MACF1: variants seen among roughly 807,000 people sequenced by gnomAD.
MACF1 encodes the protein microtubule-actin cross-linking factor 1.
In MACF1, 193 loss-of-function variants were observed where a neutral mutation model predicts 854.8. That is an observed-to-expected ratio of 0.23 (90% confidence interval 0.20 to 0.25). The LOEUF is 0.25. Among genes scored for constraint, MACF1 ranks in the 10% least tolerant of loss-of-function variants. MACF1 has a pLI of 1.00. For missense variants in MACF1, 7,722 were observed against 8,929.1 expected (o/e 0.86, Z 5.45); for synonymous variants, 3,185 against 3,226.7 (o/e 0.99, Z 0.44).
Position 39,093,903 on chromosome 1 carries a change from T to G in MACF1, c.220+9465T>G, listed in dbSNP as rs560990512. On this transcript the variant is annotated intron_variant, in intron 2 of 93. Coordinates refer to the MACF1 transcript ENST00000361689. ...CCCGGGTTCTCCTGTCTCAGCCTCC[T>G]GAGTAGCTGGGATTACAGGCGTGCG... Among the ~76,000 whole-genome samples, 9 of 152,152 alleles carry G rather than the reference T, an allele frequency of 5.9e-5. 1 individual carries two copies. In the South Asian group the frequency reaches 1.9e-3, roughly 32 times the overall value.
intron 2 of MACF1, among the ~76,000 whole-genome samples, chr1:39,098,980 G>C (rs1217999409): frequency 6.6e-6 from 1 of 152,182 alleles, no homozygotes; most frequent in Non-Finnish European, 1.5e-5. Context: ...TCTGAGACTA[G>C]AACTAGGTAA....
chr1:39,105,892 G>A lies in MACF1; in HGVS notation c.220+21454G>A, dbSNP rs1642219347. On this transcript the variant is annotated intron_variant, in intron 2 of 93. Transcript: ENST00000361689. This position sits in a 1 kb window ranked among gnomAD's most constrained non-coding sequence, Gnocchi z 5.9. ...CAGTTTATTTACAGAGTTGAGATAAGCCTTCGGAAACCGCCCCCGGGGCAG... is the reference window on the plus strand; with the variant it reads ...CAGTTTATTTACAGAGTTGAGATAAACCTTCGGAAACCGCCCCCGGGGCAG... 6.6e-6 allele frequency among the ~76,000 whole-genome samples: 1 copy of A among 151,594 alleles called. No homozygotes were observed. The highest frequency in any genetic ancestry group is 6.6e-5 in the Admixed American group (1 of 15,250).
At chr1:39,411,259 G>T (rs1557638155) in intron 58 of MACF1, 1 of 1,613,836 alleles carries the variant, frequency 6.2e-7, no homozygotes, top group Non-Finnish European at 8.5e-7. Flanking sequence ...TATGATGGAG[G>T]CTGAGGGAGA....
intron 89 of MACF1, among the ~76,000 whole-genome samples, chr1:39,456,098 C>T (rs942302819): frequency 6.6e-6 from 1 of 152,106 alleles, no homozygotes; most frequent in Non-Finnish European, 1.5e-5. Flanking sequence ...CTTTGGGAGG[C>T]CAAGGGGGGC....
rs1646755157 is a variant in MACF1 at position 39,333,114 on chromosome 1, C to T, written c.6526C>T (p.His2176Tyr). The change falls in exon 37 of 101, where the codon CAC (histidine) becomes TAC (tyrosine). Residue 2176 changes from histidine (H) to tyrosine (Y), a missense_variant. His to Tyr is a moderately conservative substitution (Grantham distance 83). This residue lies in a region of MACF1 where 1,531 missense variants were observed against 1,601.6 expected (regional missense o/e 0.96). Transcript: ENST00000564288. The part of the protein sequence containing the change: ...TSFTCQNEQA[H>Y]TLETEYIHDE... The stretch of plus-strand genomic sequence containing the variant: ...CTTTACATGTCAGAATGAACAAGCA[C>T]ACACTCTTGAGACTGAATATATTCA... The T allele has an allele frequency of 1.2e-6, 2 of 1,614,150 alleles. No individual in the cohort carries two copies. Among genetic ancestry groups the T allele is most frequent in the Non-Finnish European group, 1.7e-6 (2 of 1,180,036 alleles).
intron 2 of MACF1, among the ~76,000 whole-genome samples, chr1:39,158,427 A>G (rs570893556): frequency 1.8e-4 from 27 of 152,292 alleles, no homozygotes; most frequent in Admixed American, 1.6e-3. Flanking sequence ...TGCTGTAAGG[A>G]GAGTACAGAG....
chr1:39,269,266 G>A (rs1181760542), intron 6 of MACF1: 3 of 1,289,760 alleles, frequency 2.3e-6, no homozygotes, highest in East Asian at 5.6e-5. Flanking sequence ...GTGGAGAAAG[G>A]AAATATTCAG....
At chr1:39,208,010 G>A (rs1259997839) in intron 1 of MACF1, among the ~76,000 whole-genome samples, 1 of 151,668 alleles carries the variant, frequency 6.6e-6, no homozygotes, top group Admixed American at 6.6e-5. Context: ...GCAGGTGCCT[G>A]TAATCCCAGC....
At chr1:39,393,196 A>AAAAAATATATAT (rs57576149) in intron 58 of MACF1, among the ~76,000 whole-genome samples, 3 of 66,566 alleles carry the variant, frequency 4.5e-5, no homozygotes, top group African/African-American at 2.5e-4. Context: ...AAAAAAAAAA[A>AAAAAATATATAT]ATATATATAT....
intron 58 of MACF1, among the ~76,000 whole-genome samples, chr1:39,393,196 A>AATATATATAT (rs1553345251): frequency 1.7e-3 from 116 of 66,538 alleles, no homozygotes; most frequent in African/African-American, 2.7e-3. Context: ...AAAAAAAAAA[A>AATATATATAT]ATATATATAT....
At chr1:39,134,236 C>T (rs865950518) in intron 2 of MACF1, among the ~76,000 whole-genome samples, 13 of 149,916 alleles carry the variant, frequency 8.7e-5, no homozygotes, top group Non-Finnish European at 3.0e-5. Context: ...TTAGTAGAGA[C>T]GGGGTTTCAC....
At chr1:39,255,789 G>A (rs1237352355) in intron 5 of MACF1, among the ~76,000 whole-genome samples, 2 of 152,212 alleles carry the variant, frequency 1.3e-5, no homozygotes, top group East Asian at 3.8e-4. Context: ...TTAGGGTACT[G>A]GAGAAAGCAG....
chr1:39,423,366 T>A (rs989737716), intron 60 of MACF1, among the ~76,000 whole-genome samples: 12 of 152,312 alleles, frequency 7.9e-5, no homozygotes, highest in African/African-American at 2.9e-4. Context: ...CTGGGTGTGG[T>A]GGTTCACGCC....
intron 6 of MACF1, among the ~76,000 whole-genome samples, chr1:39,265,731 C>T (rs1036449097): frequency 3.9e-5 from 6 of 152,144 alleles, no homozygotes; most frequent in African/African-American, 1.2e-4. Context: ...ACTGGAAAGT[C>T]GAAAAATAAG....
At chr1:39,472,664 T>C (rs890523974) in intron 97 of MACF1, among the ~76,000 whole-genome samples, 1 of 152,202 alleles carries the variant, frequency 6.6e-6, no homozygotes, top group Non-Finnish European at 1.5e-5. Flanking sequence ...TAAGCTAATA[T>C]TAGCTAGGCA....
Position 39,332,968 on chromosome 1 carries a change from G to C in MACF1, c.6380G>C (p.Ser2127Thr). 2 of 1,614,164 alleles carry C rather than the reference G, an allele frequency of 1.2e-6. No individual in the cohort carries two copies. The highest frequency in any genetic ancestry group is 1.7e-6 in the Non-Finnish European group (2 of 1,180,046). ...QTAVSVRENA[S>T]RGHLLTIPPA... is the part of the protein sequence containing the mutation. ...GCAGTGTCTGTCAGAGAAAATGCCA[G>C]CAGGGGACACCTCCTGACCATACCT... The change falls in exon 37 of 101, where the codon AGC (serine) becomes ACC (threonine). Residue 2127 changes from serine (S) to threonine (T), a missense_variant. Around this residue, in one of 15 missense-constraint regions of MACF1, gnomAD observed 1,531 missense variants for 1,601.6 expected, o/e 0.96. Coordinates refer to ENST00000564288, the MANE Select transcript of MACF1 (RefSeq NM_001394062.1).
At chr1:39,226,930 A>G (rs1644723574) in intron 1 of MACF1, among the ~76,000 whole-genome samples, 1 of 152,228 alleles carries the variant, frequency 6.6e-6, no homozygotes, top group South Asian at 2.1e-4. Context: ...TATGAAGGTA[A>G]TGAATATAGT....
chr1:39,261,054 G>A (rs1382934206), intron 6 of MACF1, among the ~76,000 whole-genome samples: 1 of 151,990 alleles, frequency 6.6e-6, no homozygotes, highest in Non-Finnish European at 1.5e-5. Flanking sequence ...ACACAATTAA[G>A]GTTCATTTGT....
chr1:39,333,871 T>C lies in MACF1; in HGVS notation c.7283T>C (p.Leu2428Pro), dbSNP rs1646769053. The change falls in exon 37 of 101, where the codon CTT becomes CCT. Residue 2428 changes from leucine (L) to proline (P), a missense_variant. Physicochemically the swap from Leu to Pro is moderately conservative, Grantham distance 98. Around this residue, in one of 15 missense-constraint regions of MACF1, gnomAD observed 1,531 missense variants for 1,601.6 expected, o/e 0.96. Coordinates refer to ENST00000564288, the MANE Select transcript of MACF1 (RefSeq NM_001394062.1). Reference protein sequence around the residue: ...KKVSVTLASTLGLVDVADQPE... With the variant: ...KKVSVTLASTPGLVDVADQPE... The stretch of plus-strand genomic sequence containing the variant: ...GTTTCAGTAACTTTGGCCTCAACTC[T>C]TGGCTTGGTGGACGTTGCTGACCAG... 1 of 1,614,198 alleles carries C rather than the reference T, an allele frequency of 6.2e-7. No individual in the cohort carries two copies. The highest frequency in any genetic ancestry group is 1.6e-4 in the Middle Eastern group (1 of 6,062).
Sources: allele counts gnomAD v4.1 joint callset (sites outside exome capture counted in the v4.1 genomes callset), GRCh38; gene constraint gnomAD v4.1.1; regional missense constraint gnomAD v4.1.1; non-coding constraint Gnocchi (gnomAD v3.1); transcripts MANE v1.5; gene names NCBI Gene and HGNC (gene_info 2026-07-23, HGNC 2026-07-21).